The following MTMR6 variants were observed in gnomAD, a reference collection of about 807,000 sequenced individuals.
MTMR6 encodes myotubularin related protein 6.
In MTMR6, 47 loss-of-function variants were observed where a neutral mutation model predicts 80.1. The ratio of observed to expected loss-of-function variants is 0.59; its 90% CI spans 0.46 to 0.75. MTMR6 has a LOEUF of 0.75. MTMR6 is among the 30% of genes least tolerant of loss of function. The pLI is 0.00. For synonymous variants in MTMR6, 254 were observed against 253.0 expected, an observed-to-expected ratio of 1.00 and a Z score of -0.04; for missense variants, 629 against 730.9, an observed-to-expected ratio of 0.86 and a Z score of 1.61.
At chr13:25,266,028 A>T in intron 4 of MTMR6, 81 bp from the exon 5 acceptor site, 1 of 1,593,282 alleles carries the variant, frequency 6.3e-7, no homozygotes, top group Non-Finnish European at 8.6e-7. Context: ...ATTAAATGCA[A>T]GAACAGCACA....
chr13:25,260,051 C>T (rs547249399), intron 6 of MTMR6, among the ~76,000 whole-genome samples: 10 of 151,498 alleles, frequency 6.6e-5, no homozygotes, highest in East Asian at 5.9e-4. Flanking sequence ...TTAGTAGAGA[C>T]GGGGTTTTGC....
At chr13:25,252,076 G>A (rs117113767) in intron 11 of MTMR6, 92 bp from the exon 12 acceptor site, 40,152 of 1,395,334 alleles carry the variant, frequency 0.029, 724 homozygotes, top group Non-Finnish European at 0.034. Context: ...GATGGCTTCC[G>A]AAGCAGATTT....
intron 5 of MTMR6, among the ~76,000 whole-genome samples, chr13:25,262,377 T>C (rs1460496778): frequency 6.6e-6 from 1 of 152,200 alleles, no homozygotes; most frequent in Non-Finnish European, 1.5e-5. Context: ...GTTTGGCTGG[T>C]TGGTTTTTGA....
At chr13:25,274,943 C>CACACACACACACACACACAG (rs1957675692) in intron 1 of MTMR6, among the ~76,000 whole-genome samples, 1 of 46,606 alleles carries the variant, frequency 2.1e-5, no homozygotes, top group Non-Finnish European at 6.4e-5. Flanking sequence ...TAGACAGACA[C>CACACACACACACACACACAG]ACACACACAC....
intron 5 of MTMR6, among the ~76,000 whole-genome samples, chr13:25,264,950 G>A (rs1275861779): frequency 2.0e-5 from 3 of 151,940 alleles, no homozygotes; most frequent in Non-Finnish European, 4.4e-5. Flanking sequence ...AAAGTTACAG[G>A]TAATTAGTAA....
At chr13:25,270,729 T>G (rs1957553462) in intron 2 of MTMR6, among the ~76,000 whole-genome samples, 3 of 152,198 alleles carry the variant, frequency 2.0e-5, no homozygotes, top group Admixed American at 2.0e-4. Flanking sequence ...TGAGTTTCCT[T>G]AACAGCTGAT....
rs73481554 is a variant in MTMR6, at chr13:25,254,286, C to T, written c.1145+99G>A. The T allele has an allele frequency of 5.2e-3, 4,379 of 843,802 alleles. 145 individuals carry two copies. The African/African-American group carries it at 0.066, about 13-fold the overall frequency. 52.3% of individuals were successfully genotyped at this position (843,802 alleles called of 1,614,324 possible). On this transcript the variant is annotated intron_variant, in intron 10 of 13. Coordinates refer to ENST00000381801, the MANE Select transcript of MTMR6 (RefSeq NM_004685.5). The stretch of plus-strand genomic sequence containing the variant: ...GTAAAAACCATGACACTCTTACCTC[C>T]CATCACGCATGTGAGTTCATAAGGA...
chr13:25,253,649 T>A, intron 11 of MTMR6, 115 bp downstream of exon 11: 1 of 926,590 alleles, frequency 1.1e-6, no homozygotes. Flanking sequence ...AAAAATAAAA[T>A]CTTTACAATA....
At chr13:25,256,108 CCT>C (rs1317138425) in intron 9 of MTMR6, among the ~76,000 whole-genome samples, 5 of 152,104 alleles carry the variant, frequency 3.3e-5, no homozygotes, top group Non-Finnish European at 7.3e-5. Flanking sequence ...TTTCTCAGGC[CCT>C]GACCCCACTC....
intron 6 of MTMR6, among the ~76,000 whole-genome samples, chr13:25,260,999 C>T (rs918892469): frequency 6.6e-6 from 1 of 151,816 alleles, no homozygotes; most frequent in African/African-American, 2.4e-5. Context: ...GAAAATTCTT[C>T]AAAAAAGAAT....
rs146057731 is a variant in MTMR6 at position 25,251,906 on chromosome 13, G to C, written c.1425C>G (p.Ser475=). The part of the protein sequence containing the change: ...QKKYLNPLYS[S]ESHRFTVLEP... ...CCAAAACTGTAAATCTGTGAGATTC[G>C]GAACTGTAGAGAGGATTTAAGTACT... The change falls in exon 12 of 14, where the codon TCC becomes TCG. Residue 475 remains serine (S), a synonymous_variant. Coordinates refer to ENST00000381801, the MANE Select transcript of MTMR6 (RefSeq NM_004685.5). The surrounding 1 kb of genome is among the most constrained non-coding windows in gnomAD (Gnocchi z 4.1). The C allele has an allele frequency of 4.4e-6, 7 of 1,606,788 alleles. No individual in the cohort carries two copies. The highest frequency in any genetic ancestry group is 5.9e-6 in the Non-Finnish European group (7 of 1,178,026).
chr13:25,276,827 T>C (rs951648034), intron 1 of MTMR6, among the ~76,000 whole-genome samples: 1 of 152,230 alleles, frequency 6.6e-6, no homozygotes, highest in Non-Finnish European at 1.5e-5. Flanking sequence ...ATGTGCCTAG[T>C]GCTGTGATAA....
intron 9 of MTMR6, among the ~76,000 whole-genome samples, chr13:25,255,623 A>C (rs1157354701): frequency 6.6e-6 from 1 of 152,078 alleles, no homozygotes; most frequent in Non-Finnish European, 1.5e-5. Flanking sequence ...TCCTGGGTTC[A>C]AGTAATTCTT....
chr13:25,266,964 T>C (rs956365096), intron 3 of MTMR6, among the ~76,000 whole-genome samples: 2 of 152,190 alleles, frequency 1.3e-5, no homozygotes, highest in Non-Finnish European at 2.9e-5. Context: ...TAAGTAGCGA[T>C]AAGATTCTTC....
At chr13:25,253,639 AAAAAT>A in intron 11 of MTMR6, 120 bp downstream of exon 11, 1 of 880,938 alleles carries the variant, frequency 1.1e-6, no homozygotes, top group Admixed American at 2.9e-5. Context: ...TAGAAATACA[AAAAAT>A]AAAATCTTTA....
Position 25,249,423 on chromosome 13 carries a change from G to T in MTMR6, c.1675C>A (p.Pro559Thr). Residue 559 changes from proline to threonine, a missense_variant, in exon 14 of 14, where the codon CCT becomes ACT. Coordinates refer to ENST00000381801, the MANE Select transcript of MTMR6 (RefSeq NM_004685.5). ...LTKELLHSVH[P>T]ESPNLKTSLC... ...GAAGTTTTGAGGTTAGGTGATTCAG[G>T]ATGAACTGAATGTAACAATTCCTTG... The T allele has an allele frequency of 1.2e-6, 2 of 1,613,816 alleles. No homozygotes were observed. The highest frequency in any genetic ancestry group is 1.7e-6 in the Non-Finnish European group (2 of 1,179,724).
rs117592665 is a variant in MTMR6 at position 25,256,379 on chromosome 13, C to G, written c.1095+817G>C. Among the ~76,000 whole-genome samples, 752 of 152,310 alleles carry G rather than the reference C, an allele frequency of 4.9e-3. 33 individuals are homozygous for G. The East Asian group carries it at 0.093, about 19-fold the overall frequency. On this transcript the variant is annotated intron_variant, in intron 9 of 13. Transcript: ENST00000381801. ...GCATTATTTTCTTATTAGCAGCACT[C>G]CCGCTTGGCCTGTCCCAGAGTCGGT... is the stretch of plus-strand genomic sequence containing the variant.
At chr13:25,254,578 G>C in intron 9 of MTMR6, 144 bp from the exon 10 acceptor site, 1 of 636,436 alleles carries the variant, frequency 1.6e-6, no homozygotes, top group South Asian at 1.9e-5. Context: ...ACAGGCAAAA[G>C]AATGCCAAAA....
At chr13:25,270,961 C>A (rs758971523) in intron 2 of MTMR6, among the ~76,000 whole-genome samples, 7 of 152,094 alleles carry the variant, frequency 4.6e-5, no homozygotes, top group Admixed American at 6.5e-5. Context: ...CTATGTTTTA[C>A]GCACAGATGT....
Sources: gnomAD v4.1 joint callset for allele counts (sites outside exome capture counted in the v4.1 genomes callset) on GRCh38, gnomAD v4.1.1 for gene constraint, Gnocchi (gnomAD v3.1) non-coding constraint, MANE v1.5 for transcripts, NCBI Gene and HGNC (gene_info 2026-07-23, HGNC 2026-07-21) for gene names.